The following GNA12 variants were observed in gnomAD, a reference collection of about 807,000 sequenced individuals.
GNA12 encodes G protein subunit alpha 12.
A neutral mutation model predicts 26.0 loss-of-function variants in GNA12; 9 were observed. The ratio of observed to expected loss-of-function variants is 0.35; its 90% confidence interval spans 0.21 to 0.60. GNA12 has a LOEUF of 0.60. GNA12 is among the 20% of genes least tolerant of loss of function. GNA12 has a pLI of 0.78. For synonymous variants in GNA12, 264 were observed against 219.6 expected, an observed-to-expected ratio of 1.20 and a Z score of -1.79; for missense variants, 405 against 525.8, an observed-to-expected ratio of 0.77 and a Z score of 2.25.
intron 2 of GNA12, among the ~76,000 whole-genome samples, chr7:2,747,521 C>G (rs938457309): frequency 3.9e-5 from 6 of 152,122 alleles, no homozygotes; most frequent in Non-Finnish European, 7.4e-5. Context: ...GGACGTATCT[C>G]AAAATAATAA....
intron 2 of GNA12, among the ~76,000 whole-genome samples, chr7:2,753,612 T>C (rs1237387427): frequency 2.0e-5 from 3 of 152,248 alleles, no homozygotes; most frequent in African/African-American, 7.2e-5. Context: ...TGGTTGTTTC[T>C]GTATTTTAGC....
In GNA12 at chr7:2,809,293, C is replaced by T. The variant is rs368135946; in HGVS notation, c.310-14150G>A. 5.9e-5 allele frequency among the ~76,000 whole-genome samples: 9 copies of T among 152,242 alleles called. No individual in the cohort carries two copies. The South Asian group carries it at 1.2e-3, about 21-fold the overall frequency. ...AACTAAGGGACCCCAGGTCCTCATCCGCAAAGTAAGGGCAGCAGTCCTACC... is the reference window on the plus strand; with the variant it reads ...AACTAAGGGACCCCAGGTCCTCATCTGCAAAGTAAGGGCAGCAGTCCTACC... On this transcript the variant is annotated intron_variant, in intron 1 of 3. Transcript: ENST00000275364.
At chr7:2,794,592 G>C (rs1182126740) in intron 2 of GNA12, 1 of 277,998 alleles carries the variant, frequency 3.6e-6, no homozygotes, top group South Asian at 4.6e-5. Flanking sequence ...AAAGTGGGAA[G>C]CTGTTGTGGG....
chr7:2,773,890 G>A (rs768405464), intron 2 of GNA12, among the ~76,000 whole-genome samples: 36 of 152,168 alleles, frequency 2.4e-4, no homozygotes, highest in Non-Finnish European at 5.0e-4. Flanking sequence ...GGAGGGCAGG[G>A]AACTAAATTG....
At chr7:2,756,554 G>A (rs1203430826) in intron 2 of GNA12, among the ~76,000 whole-genome samples, 2 of 152,094 alleles carry the variant, frequency 1.3e-5, no homozygotes, top group Non-Finnish European at 2.9e-5. Flanking sequence ...GGTCGAGGCT[G>A]CAGTGAGCCA....
At position 2,763,067 on chromosome 7, in the gene GNA12, G is replaced by T. The variant is rs1336587156; in HGVS notation, c.526-29566C>A. On this transcript the variant is annotated intron_variant, in intron 2 of 3. Coordinates refer to ENST00000275364, the MANE Select transcript of GNA12 (RefSeq NM_007353.3). Reference sequence around the variant, plus strand: ...CCGTTCCTCCAGGACGCAGACCGGGGCTCCCTACCAGCCTTGAGTGAGAGA... The same window carrying T: ...CCGTTCCTCCAGGACGCAGACCGGGTCTCCCTACCAGCCTTGAGTGAGAGA... 1.2e-5 allele frequency: 15 copies of T among 1,247,426 alleles called. No homozygotes were observed. The African/African-American group carries it at 1.7e-4, about 14-fold the overall frequency. The allele number at this position is 1,247,426 out of a possible 1,614,324, so 77.3% of individuals were successfully genotyped here.
At chr7:2,764,244 C>CTTTTT (rs35992308) in intron 2 of GNA12, among the ~76,000 whole-genome samples, 1 of 139,296 alleles carries the variant, frequency 7.2e-6, no homozygotes, top group African/African-American at 2.7e-5. Flanking sequence ...CAGCTAATTT[C>CTTTTT]TTTTTTTTTT....
intron 1 of GNA12, among the ~76,000 whole-genome samples, chr7:2,823,931 G>C (rs1341188890): frequency 2.0e-5 from 3 of 152,122 alleles, no homozygotes; most frequent in African/African-American, 7.2e-5. Context: ...CCTTTAATTA[G>C]AGAGAAACGC....
At position 2,784,746 on chromosome 7, in the gene GNA12, C is replaced by T. The variant is rs73285367; in HGVS notation, c.525+10182G>A. Among the ~76,000 whole-genome samples, 556 of 152,240 alleles carry T rather than the reference C, an allele frequency of 3.7e-3. 4 individuals carry two copies. Among genetic ancestry groups the T allele is most frequent in the African/African-American group, 0.012 (495 of 41,538 alleles). On this transcript the variant is annotated intron_variant, in intron 2 of 3. Coordinates refer to ENST00000275364, the MANE Select transcript of GNA12 (RefSeq NM_007353.3). ...CATCCCTTGTGTACTGATTCGCAAG[C>T]GCCCTCTCACTCCTTTAGCATACAG... is the stretch of plus-strand genomic sequence containing the variant.
At chr7:2,734,305 T>C (rs1790049181) in intron 2 of GNA12, among the ~76,000 whole-genome samples, 1 of 152,128 alleles carries the variant, frequency 6.6e-6, no homozygotes, top group Non-Finnish European at 1.5e-5. Flanking sequence ...CCTTCAAAGG[T>C]AGCGTATTAA....
At chr7:2,768,687 CA>C (rs58917196) in intron 2 of GNA12, among the ~76,000 whole-genome samples, 20,960 of 125,162 alleles carry the variant, frequency 0.17, 1,767 homozygotes, top group Non-Finnish European at 0.22. Flanking sequence ...CAAAACAAAA[CA>C]AAAAAAAAAA....
intron 2 of GNA12, among the ~76,000 whole-genome samples, chr7:2,750,716 G>C (rs1790991762): frequency 6.6e-6 from 1 of 152,212 alleles, no homozygotes; most frequent in South Asian, 2.1e-4. Context: ...GGACAGGCAT[G>C]TTAACAGACA....
At chr7:2,825,417 C>T (rs1170014780) in intron 1 of GNA12, among the ~76,000 whole-genome samples, 1 of 150,146 alleles carries the variant, frequency 6.7e-6, no homozygotes, top group Non-Finnish European at 1.5e-5. Context: ...CAGAAGCTTC[C>T]CAGCATGTGC....
chr7:2,815,692 G>C (rs2283783), intron 1 of GNA12, among the ~76,000 whole-genome samples: 1,568 of 151,992 alleles, frequency 0.01, 36 homozygotes, highest in African/African-American at 0.036. Flanking sequence ...CTGACCCAGC[G>C]TGGTGCTCCC....
At chr7:2,754,642 G>A (rs1375512112) in intron 2 of GNA12, among the ~76,000 whole-genome samples, 1 of 152,024 alleles carries the variant, frequency 6.6e-6, no homozygotes, top group Non-Finnish European at 1.5e-5. Context: ...CAGCTATTAG[G>A]GGAGGCTGGG....
intron 1 of GNA12, among the ~76,000 whole-genome samples, chr7:2,827,715 G>A (rs1793516598): frequency 6.6e-6 from 1 of 152,108 alleles, no homozygotes; most frequent in African/African-American, 2.4e-5. Flanking sequence ...CTCAGAGAAA[G>A]GAGTTATAAT....
intron 1 of GNA12, among the ~76,000 whole-genome samples, chr7:2,832,509 T>C (rs1778706832): frequency 6.6e-6 from 1 of 152,164 alleles, no homozygotes; most frequent in African/African-American, 2.4e-5. Context: ...TCCACCACGG[T>C]GACGAGAGAA....
At chr7:2,733,430 C>G (rs367970613) in intron 3 of GNA12, 21 bp downstream of exon 3, 3 of 1,609,552 alleles carry the variant, frequency 1.9e-6, no homozygotes, top group Admixed American at 3.3e-5. Context: ...CCAGCTTCTT[C>G]GGGCGGGCGT....
chr7:2,840,738 T>A (rs1241078305), intron 1 of GNA12, among the ~76,000 whole-genome samples: 1 of 151,908 alleles, frequency 6.6e-6, no homozygotes, highest in Non-Finnish European at 1.5e-5. Flanking sequence ...CAGTCCCAGC[T>A]ACTTGGGAGG....
Sources: allele counts gnomAD v4.1 joint callset (sites outside exome capture counted in the v4.1 genomes callset), GRCh38; gene constraint gnomAD v4.1.1; transcripts MANE v1.5; gene names NCBI Gene and HGNC (gene_info 2026-07-23, HGNC 2026-07-21).